PDE3A: variants seen among roughly 807,000 people sequenced by gnomAD.
PDE3A encodes cGMP-inhibited 3',5'-cyclic phosphodiesterase 3A.
Under a neutral mutation model 98.3 loss-of-function variants are expected in PDE3A, and 43 were observed. The observed-to-expected ratio is 0.44, with a 90% CI of 0.34 to 0.56. PDE3A has a LOEUF of 0.56. Among genes scored for constraint, PDE3A ranks in the 20% least tolerant of loss-of-function variants. PDE3A has a pLI of 0.01. For synonymous variants in PDE3A, 663 were observed against 567.9 expected (o/e 1.17, Z -2.38); for missense variants, 1,427 against 1,440.7 (o/e 0.99, Z 0.15).
intron 2 of PDE3A, among the ~76,000 whole-genome samples, chr12:20,562,377 G>A (rs1230847670): frequency 2.0e-5 from 3 of 151,876 alleles, no homozygotes; most frequent in Admixed American, 1.3e-4. Context: ...GCACCACCAC[G>A]CCCAGCTAAT....
At chr12:20,629,642 A>C (rs770347384) in intron 5 of PDE3A, among the ~76,000 whole-genome samples, 25 of 152,186 alleles carry the variant, frequency 1.6e-4, no homozygotes, top group Non-Finnish European at 3.1e-4. Flanking sequence ...TTCTGTCCTG[A>C]AGTTACTCCA....
chr12:20,641,419 A>G (rs571731364), intron 10 of PDE3A, among the ~76,000 whole-genome samples: 1 of 152,280 alleles, frequency 6.6e-6, no homozygotes, highest in East Asian at 1.9e-4. Context: ...GTTGGATGCC[A>G]GTGATTGACC....
chr12:20,453,281 CT>C (rs1418134115), intron 1 of PDE3A, among the ~76,000 whole-genome samples: 1 of 149,304 alleles, frequency 6.7e-6, no homozygotes, highest in African/African-American at 2.5e-5. Context: ...TCAAGCAGTT[CT>C]CTTGCCTCAG....
At position 20,651,848 on chromosome 12, in the gene PDE3A, C is replaced by A. The variant is rs552249197; in HGVS notation, c.2925+1248C>A. On this transcript the variant is annotated intron_variant, in intron 14 of 15. Transcript: ENST00000359062. Reference sequence around the variant, plus strand: ...TTTGTTACATATATATACATGTGCCCTGTTGGTGTGCTGCGCCCATTAACT... The same window carrying A: ...TTTGTTACATATATATACATGTGCCATGTTGGTGTGCTGCGCCCATTAACT... Among the ~76,000 whole-genome samples the A allele has an allele frequency of 3.4e-4, 51 of 152,114 alleles. 1 individual carries two copies. In the East Asian group the frequency reaches 8.3e-3, roughly 25 times the overall value.
At chr12:20,438,130 A>G (rs1457170047) in intron 1 of PDE3A, among the ~76,000 whole-genome samples, 1 of 152,020 alleles carries the variant, frequency 6.6e-6, no homozygotes, top group Non-Finnish European at 1.5e-5. Flanking sequence ...CTATTCTTGG[A>G]TGTAGAGTGT....
At chr12:20,473,673 C>G (rs1945479803) in intron 1 of PDE3A, among the ~76,000 whole-genome samples, 1 of 152,020 alleles carries the variant, frequency 6.6e-6, no homozygotes, top group African/African-American at 2.4e-5. Context: ...GCATGGATCT[C>G]TTAAAAATAG....
chr12:20,435,636 C>G (rs1304442249), intron 1 of PDE3A, among the ~76,000 whole-genome samples: 1 of 152,078 alleles, frequency 6.6e-6, no homozygotes, highest in East Asian at 1.9e-4. Context: ...GTAAGGAGGC[C>G]ATGCGTAAGT....
Position 20,653,996 on chromosome 12 carries a change from G to A in PDE3A, c.2975G>A (p.Arg992His). 6.2e-7 allele frequency: 1 copy of A among 1,614,106 alleles called. No homozygotes were observed. Among genetic ancestry groups the A allele is most frequent in the Non-Finnish European group, 8.5e-7 (1 of 1,179,982 alleles). ...LGLPISPFMDRSAPQLANLQE... is the reference protein window; with the variant it reads ...LGLPISPFMDHSAPQLANLQE... ...TTACCCATAAGCCCCTTCATGGATCGTTCTGCTCCTCAGCTGGCCAACCTT... is the reference window on the plus strand; with the variant it reads ...TTACCCATAAGCCCCTTCATGGATCATTCTGCTCCTCAGCTGGCCAACCTT... Residue 992 changes from arginine (R) to histidine (H), a missense_variant, in exon 15 of 16, where the codon CGT becomes CAT. This residue lies in a region of PDE3A where 273 missense variants were observed against 420.3 expected (regional missense o/e 0.65). Coordinates refer to ENST00000359062, the MANE Select transcript of PDE3A (RefSeq NM_000921.5).
intron 5 of PDE3A, among the ~76,000 whole-genome samples, 155 bp downstream of exon 5, chr12:20,621,566 A>C (rs1045166755): frequency 6.6e-6 from 1 of 152,110 alleles, no homozygotes; most frequent in Non-Finnish European, 1.5e-5. Context: ...TAGAAGTCTC[A>C]ATAACCAATT....
At chr12:20,658,076 C>T (rs535287240) in intron 15 of PDE3A, among the ~76,000 whole-genome samples, 6 of 151,966 alleles carry the variant, frequency 3.9e-5, no homozygotes, top group Non-Finnish European at 7.4e-5. Flanking sequence ...ATAACAAAAA[C>T]GAAGTAGAAA....
At chr12:20,542,946 G>T (rs2121225293) in intron 1 of PDE3A, among the ~76,000 whole-genome samples, 1 of 152,124 alleles carries the variant, frequency 6.6e-6, no homozygotes. Flanking sequence ...CAGGTGAAGA[G>T]CTAGAAATAA....
chr12:20,371,825 A>T (rs953547893), intron 1 of PDE3A, among the ~76,000 whole-genome samples: 2 of 152,156 alleles, frequency 1.3e-5, no homozygotes, highest in African/African-American at 4.8e-5. Flanking sequence ...AACCATTTTA[A>T]TTTCTTTTCA....
intron 2 of PDE3A, among the ~76,000 whole-genome samples, chr12:20,590,391 C>T (rs1943308270): frequency 6.8e-6 from 1 of 147,948 alleles, no homozygotes; most frequent in African/African-American, 2.5e-5. Context: ...GAGCAAGTTC[C>T]AGACCTGAGT....
chr12:20,432,801 T>G (rs1479140083), intron 1 of PDE3A, among the ~76,000 whole-genome samples: 1 of 152,194 alleles, frequency 6.6e-6, no homozygotes, highest in African/African-American at 2.4e-5. Context: ...TTGACTAGAA[T>G]AACTTGTTCT....
chr12:20,576,556 G>T (rs1286501010), intron 2 of PDE3A, among the ~76,000 whole-genome samples: 1 of 152,076 alleles, frequency 6.6e-6, no homozygotes, highest in Admixed American at 6.6e-5. Context: ...AATAAGAATT[G>T]CCTTGGTCTT....
At chr12:20,551,956 CG>C in intron 1 of PDE3A, 1 of 1,612,892 alleles carries the variant, frequency 6.2e-7, no homozygotes, top group Non-Finnish European at 8.5e-7. Context: ...GGGTGTCCAT[CG>C]GCCCCACGTG....
intron 10 of PDE3A, among the ~76,000 whole-genome samples, chr12:20,641,246 G>A (rs570589457): frequency 2.0e-5 from 3 of 152,268 alleles, no homozygotes; most frequent in African/African-American, 7.2e-5. Flanking sequence ...GAGTAAGGCA[G>A]TTGGAGTACG....
intron 1 of PDE3A, among the ~76,000 whole-genome samples, chr12:20,547,173 G>A (rs1478500931): frequency 6.6e-6 from 1 of 151,392 alleles, no homozygotes; most frequent in Non-Finnish European, 1.5e-5. Context: ...TTTCAGAAAG[G>A]ACTTTTTCGA....
chr12:20,401,332 TA>T (rs956502921), intron 1 of PDE3A, among the ~76,000 whole-genome samples: 14 of 152,230 alleles, frequency 9.2e-5, no homozygotes, highest in African/African-American at 3.4e-4. Context: ...TTTAATCATG[TA>T]AATCCTTTGA....
Sources: allele counts gnomAD v4.1 joint callset (sites outside exome capture counted in the v4.1 genomes callset), GRCh38; gene constraint gnomAD v4.1.1; regional missense constraint gnomAD v4.1.1; transcripts MANE v1.5; gene names NCBI Gene and HGNC (gene_info 2026-07-23, HGNC 2026-07-21).